The following ATRX variants were observed in gnomAD, a reference collection of about 807,000 sequenced individuals.
ATRX encodes chromatin remodeler ATRX.
Under a neutral mutation model 172.6 loss-of-function variants are expected in ATRX, and 12 were observed. The ratio of observed to expected loss-of-function variants is 0.07; its 90% CI spans 0.04 to 0.11. ATRX has a LOEUF of 0.11. Among genes scored for constraint, ATRX ranks in the 10% least tolerant of loss-of-function variants. ATRX has a pLI of 1.00. For missense variants in ATRX, 1,368 were observed against 1,767.4 expected, an observed-to-expected ratio of 0.77 and a Z score of 4.05; for synonymous variants, 674 against 594.7, an observed-to-expected ratio of 1.13 and a Z score of -1.94.
rs978044321 is a variant in ATRX, at chrX:77,637,475, C to T, written c.4558-1419G>A. 2.0e-4 allele frequency among the ~76,000 whole-genome samples: 22 copies of T among 111,147 alleles called. No homozygotes were observed. The Admixed American group carries it at 2.0e-3, about 10-fold the overall frequency. On this transcript the variant is annotated intron_variant, in intron 15 of 34. Transcript: ENST00000373344. ...GGACAGAGAAGTAAAGTAACCTGCA[C>T]AAGGTCATACGACTATTGAGTATCA...
At chrX:77,766,796 G>A (rs1273033046) in intron 1 of ATRX, among the ~76,000 whole-genome samples, 3 of 110,551 alleles carry the variant, frequency 2.7e-5, no homozygotes, top group East Asian at 2.9e-4. Context: ...AGGCAGAGAC[G>A]CTCCTCACTT....
chrX:77,737,098 A>G (rs2074604573), intron 1 of ATRX, among the ~76,000 whole-genome samples: 1 of 109,749 alleles, frequency 9.1e-6, no homozygotes, highest in Non-Finnish European at 1.9e-5. Flanking sequence ...TTTAATGGGT[A>G]CAAAAAAAAA....
At chrX:77,661,212 T>G (rs1480920662) in intron 12 of ATRX, among the ~76,000 whole-genome samples, 1 of 112,206 alleles carries the variant, frequency 8.9e-6, no homozygotes, top group East Asian at 2.8e-4. Flanking sequence ...TAATGTGCAC[T>G]TCTTTGTACA....
In ATRX at chrX:77,684,127, C is replaced by A; in HGVS notation, c.1129G>T (p.Ala377Ser). The A allele has an allele frequency of 8.3e-7, 1 of 1,207,304 alleles. No individual in the cohort carries two copies. Among genetic ancestry groups the A allele is most frequent in the Non-Finnish European group, 1.1e-6 (1 of 892,885 alleles). ...GAACTGATTTCTGAATTATCTGTTG[C>A]CTGCTTTAAAAATTTAACATAACTG... Reference protein sequence around the residue: ...NSSYVKFLKQATDNSEISSAT... With the variant: ...NSSYVKFLKQSTDNSEISSAT... Residue 377 changes from alanine to serine, a missense_variant, in exon 9 of 35, where the codon GCA (alanine) becomes TCA (serine). Physicochemically the swap from Ala to Ser is moderately conservative, Grantham distance 99 (BLOSUM62 1). Transcript: ENST00000373344.
In ATRX at chrX:77,698,580, C is replaced by T. The variant is rs782653601; in HGVS notation, c.183G>A (p.Lys61=). The T allele has an allele frequency of 4.1e-6, 5 of 1,204,996 alleles. No homozygotes were observed. Among genetic ancestry groups the T allele is most frequent in the Non-Finnish European group, 5.6e-6 (5 of 889,572 alleles). ...GSNSDMMENS[K]EEGTSSSEKS... is the part of the protein sequence containing the mutation. ...TCTAAATAATTATCCTTACCTCTTC[C>T]TTGCTGTTTTCCATCATATCAGAGT... The change falls in exon 3 of 35, where the codon AAG becomes AAA. Residue 61 remains lysine, a synonymous_variant. Transcript: ENST00000373344.
intron 30 of ATRX, among the ~76,000 whole-genome samples, chrX:77,545,561 G>A (rs1323013988): frequency 2.7e-5 from 3 of 111,166 alleles, no homozygotes; most frequent in South Asian, 3.8e-4. Context: ...AACAGCAAGC[G>A]GGGTACAGTT....
In ATRX at chrX:77,681,553, G is replaced by C. The variant is rs782112095; in HGVS notation, c.3703C>G (p.Leu1235Val). Reference protein sequence around the residue: ...KIKPVTENLVLSSHTGFCQSS... With the variant: ...KIKPVTENLVVSSHTGFCQSS... ...TGGCAAAATCCAGTATGTGAAGACA[G>C]CACTAAATTTTCAGTCACAGGCTTA... The change falls in exon 9 of 35, where the codon CTG becomes GTG. Residue 1235 changes from leucine (L) to valine (V), a missense_variant. Physicochemically the swap from Leu to Val is conservative, Grantham distance 32. This residue lies in a region of ATRX where 843 missense variants were observed against 643.1 expected (regional missense o/e 1.31). Coordinates refer to ENST00000373344, the MANE Select transcript of ATRX (RefSeq NM_000489.6). 8.3e-7 allele frequency: 1 copy of C among 1,209,772 alleles called. No individual in the cohort carries two copies. The highest frequency in any genetic ancestry group is 3.0e-5 in the East Asian group (1 of 33,784).
chrX:77,737,857 A>T (rs1306571708), intron 1 of ATRX, among the ~76,000 whole-genome samples: 1 of 111,469 alleles, frequency 9.0e-6, no homozygotes, highest in Non-Finnish European at 1.9e-5. Context: ...AGCATCTCTT[A>T]GGGTAAATGC....
chrX:77,708,599 T>C (rs1488792644), intron 2 of ATRX, among the ~76,000 whole-genome samples: 1 of 110,893 alleles, frequency 9.0e-6, no homozygotes, highest in African/African-American at 3.3e-5. Context: ...GAGGCAGAGG[T>C]TGCAGTAAGC....
chrX:77,561,350 A>C (rs1240997673), intron 28 of ATRX, among the ~76,000 whole-genome samples: 2 of 111,124 alleles, frequency 1.8e-5, no homozygotes, highest in African/African-American at 6.5e-5. Context: ...ACACACATGA[A>C]ACCTTAAAGA....
chrX:77,723,140 G>A (rs2073861028), intron 1 of ATRX, among the ~76,000 whole-genome samples: 1 of 111,265 alleles, frequency 9.0e-6, no homozygotes, highest in Non-Finnish European at 1.9e-5. Flanking sequence ...GTTGAACAAT[G>A]AGAACACATG....
At chrX:77,698,690 C>T in intron 2 of ATRX, 61 bp from the exon 3 acceptor site, 1 of 946,050 alleles carries the variant, frequency 1.1e-6, no homozygotes. Context: ...AACAGAACAT[C>T]AATACCTATA....
At chrX:77,663,354 C>G (rs782011916) in intron 12 of ATRX, 28 bp downstream of exon 12, 23 of 1,203,586 alleles carry the variant, frequency 1.9e-5, no homozygotes, top group Non-Finnish European at 2.5e-5. Flanking sequence ...CCAATATGTT[C>G]TTTACATTCA....
chrX:77,772,848 ATTTT>A (rs782051290), intron 1 of ATRX, among the ~76,000 whole-genome samples: 1 of 98,532 alleles, frequency 1.0e-5, no homozygotes, highest in African/African-American at 3.7e-5. Flanking sequence ...TTCACCACCA[ATTTT>A]TTTTTTTTTT....
At chrX:77,616,254 C>T in intron 22 of ATRX, 3 of 861,818 alleles carry the variant, frequency 3.5e-6, no homozygotes, top group Non-Finnish European at 4.3e-6. Flanking sequence ...ATGAATTTAA[C>T]TTATACACCT....
intron 26 of ATRX, among the ~76,000 whole-genome samples, chrX:77,592,009 C>T (rs1392110430): frequency 8.9e-6 from 1 of 111,829 alleles, no homozygotes; most frequent in African/African-American, 3.3e-5. Flanking sequence ...CTCTATTAAC[C>T]TTTTCCAGTT....
chrX:77,523,374 T>A lies in ATRX; in HGVS notation c.6727A>T (p.Ile2243Leu). The change falls in exon 31 of 35, where the codon ATA becomes TTA. Residue 2243 changes from isoleucine to leucine, a missense_variant. Physicochemically the swap from Ile to Leu is conservative, Grantham distance 5. Coordinates refer to ENST00000373344, the MANE Select transcript of ATRX (RefSeq NM_000489.6). Reference protein sequence around the residue: ...KDTILAELLQIHKEHIVGYHE... With the variant: ...KDTILAELLQLHKEHIVGYHE... The stretch of plus-strand genomic sequence containing the variant: ...TATCCTACAATGTGTTCTTTATGTA[T>A]CTGAAGGAGCTCTGCAAGTATGGTA... The A allele has an allele frequency of 8.3e-7, 1 of 1,209,486 alleles. No homozygotes were observed. Among genetic ancestry groups the A allele is most frequent in the South Asian group, 1.8e-5 (1 of 56,921 alleles).
At chrX:77,535,846 T>G (rs1394122786) in intron 30 of ATRX, among the ~76,000 whole-genome samples, 1 of 108,724 alleles carries the variant, frequency 9.2e-6, no homozygotes, top group Non-Finnish European at 1.9e-5. Context: ...GCCTCCCAAG[T>G]AGCTGGGATT....
chrX:77,783,795 A>G (rs782228646), intron 1 of ATRX, among the ~76,000 whole-genome samples: 1 of 111,720 alleles, frequency 9.0e-6, no homozygotes, highest in Non-Finnish European at 1.9e-5. Context: ...CTGAACACCT[A>G]CTTGGAGCTC....
Sources: gnomAD v4.1 joint callset for allele counts (sites outside exome capture counted in the v4.1 genomes callset) on GRCh38, gnomAD v4.1.1 for gene constraint, gnomAD v4.1.1 regional missense constraint, MANE v1.5 for transcripts, NCBI Gene and HGNC (gene_info 2026-07-23, HGNC 2026-07-21) for gene names.